The following PRKAG1 variants were observed in gnomAD, a reference collection of about 807,000 sequenced individuals.
PRKAG1 encodes 5'-AMP-activated protein kinase subunit gamma-1.
PRKAG1 carries 27 observed loss-of-function variants against 48.2 expected under a neutral mutation model. The observed-to-expected ratio is 0.56, with a 90% CI of 0.41 to 0.77. PRKAG1 has a LOEUF of 0.77. PRKAG1 is among the 30% of genes least tolerant of loss of function. The pLI, the probability that PRKAG1 is intolerant of heterozygous loss-of-function variation, is 0.00. For missense variants in PRKAG1, 287 were observed against 398.3 expected (o/e 0.72, Z 2.38); for synonymous variants, 130 against 147.7 (o/e 0.88, Z 0.87).
chr12:49,018,335 T>A, intron 1 of PRKAG1: 1 of 568,860 alleles, frequency 1.8e-6, no homozygotes, highest in Non-Finnish European at 2.4e-6. Context: ...AGGAGCTACC[T>A]GCAAGCGGAG....
At position 49,005,032 on chromosome 12, in the gene PRKAG1, G is replaced by C. The variant is rs754965487; in HGVS notation, c.356-14C>G. On this transcript the variant is annotated splice_polypyrimidine_tract_variant and intron_variant, in intron 6 of 11. Transcript: ENST00000548065. The surrounding 1 kb of genome is among the most constrained non-coding windows in gnomAD (Gnocchi z 4.1). ...GGAGATACACCTCTGAAGGGAAAAG[G>C]GATGGGTCACAAAATACCACCATGG... 1 of 1,613,816 alleles carries C rather than the reference G, an allele frequency of 6.2e-7. No individual in the cohort carries two copies. The highest frequency in any genetic ancestry group is 8.5e-7 in the Non-Finnish European group (1 of 1,179,886).
At chr12:49,014,055 C>T (rs1941869876) in intron 1 of PRKAG1, among the ~76,000 whole-genome samples, 1 of 151,922 alleles carries the variant, frequency 6.6e-6, no homozygotes, top group Non-Finnish European at 1.5e-5. Context: ...ACCTAATTTT[C>T]ATATTTATAA....
rs1433515966 is a variant in PRKAG1 at position 49,002,647 on chromosome 12, A to G, written c.*252T>C. 3 of 558,934 alleles carry G rather than the reference A, an allele frequency of 5.4e-6. No individual in the cohort carries two copies. Among genetic ancestry groups the G allele is most frequent in the Non-Finnish European group, 6.5e-6 (2 of 307,438 alleles). 34.6% of individuals were successfully genotyped at this position (558,934 alleles called of 1,614,324 possible). On this transcript the variant is annotated 3_prime_UTR_variant, in exon 12 of 12. Transcript: ENST00000548065. The stretch of plus-strand genomic sequence containing the variant: ...CTATAGTTCACCCAGAAAGGGGGAT[A>G]TATCTAAGAGGACAGGGGCTAGAAC...
intron 9 of PRKAG1, 36 bp downstream of exon 9, chr12:49,003,721 G>C (rs554283422): frequency 1.9e-6 from 3 of 1,606,480 alleles, no homozygotes; most frequent in South Asian, 1.1e-5. Flanking sequence ...GACTTGCCTG[G>C]ATCTTCCCTC....
chr12:49,003,668 C>T (rs1941395113), intron 9 of PRKAG1, 73 bp from the exon 10 acceptor site: 1 of 1,609,562 alleles, frequency 6.2e-7, no homozygotes, highest in Non-Finnish European at 8.5e-7. Context: ...AATCACCCTC[C>T]TGGCTAAGCT....
chr12:49,004,618 G>C lies in PRKAG1; in HGVS notation c.426C>G (p.Val142=). ...GGATCTTGTTCCGAATTAATGAAGA[G>C]ACAGCATCAAACAAGCTGTGAGAGG... is the stretch of plus-strand genomic sequence containing the variant. ...ISPNASLFDA[V]SSLIRNKIHR... The change falls in exon 8 of 12, where the codon GTC becomes GTG. Residue 142 remains valine (V), a synonymous_variant. Coordinates refer to ENST00000548065, the MANE Select transcript of PRKAG1 (RefSeq NM_002733.5). 6.2e-7 allele frequency: 1 copy of C among 1,614,094 alleles called. No homozygotes were observed. The highest frequency in any genetic ancestry group is 2.2e-5 in the East Asian group (1 of 44,886).
chr12:49,010,453 T>G (rs1941710095), intron 2 of PRKAG1, among the ~76,000 whole-genome samples: 1 of 152,210 alleles, frequency 6.6e-6, no homozygotes, highest in Admixed American at 6.5e-5. Context: ...GGGAAAGGGC[T>G]GGAGGCTCAG....
rs760970840 is a variant in PRKAG1 at position 49,004,947 on chromosome 12, G to T, written c.410+17C>A. ...AATCTCTTCCGCTTTTTGGACAGAT[G>T]GGTAACTGGAACTCACCTGGCATTA... On this transcript the variant is annotated intron_variant, in intron 7 of 11. Transcript: ENST00000548065. The T allele has an allele frequency of 6.2e-7, 1 of 1,612,600 alleles. No individual in the cohort carries two copies. The highest frequency in any genetic ancestry group is 1.7e-5 in the Admixed American group (1 of 59,954).
At chr12:49,016,779 G>A (rs1195910143) in intron 1 of PRKAG1, 1 of 180,770 alleles carries the variant, frequency 5.5e-6, no homozygotes, top group Admixed American at 6.0e-5. Flanking sequence ...TGTACAGAAA[G>A]CTGCTATGAA....
chr12:49,012,786 T>C (rs1043747239), intron 2 of PRKAG1: 4 of 446,452 alleles, frequency 9.0e-6, no homozygotes, highest in Non-Finnish European at 1.6e-5. Context: ...TTCTAAAACA[T>C]GGTAGCCAGC....
At chr12:49,013,030 C>T in intron 2 of PRKAG1, 32 bp downstream of exon 2, 1 of 1,584,648 alleles carries the variant, frequency 6.3e-7, no homozygotes. Flanking sequence ...CTATTGTTTT[C>T]ATGCCCAGTT....
chr12:49,015,208 G>A (rs921618041), intron 1 of PRKAG1, among the ~76,000 whole-genome samples: 1 of 151,730 alleles, frequency 6.6e-6, no homozygotes, highest in African/African-American at 2.4e-5. Flanking sequence ...GATAAAGATA[G>A]ACACATGATA....
chr12:49,003,576 G>GTAGA lies in PRKAG1; in HGVS notation c.719_722dup (p.Ser242LeufsTer5), dbSNP rs759503983. ...CACTCACGATAACATCAAACTTGGA[G>GTAGA]TAGATGTCCACCACACGCCCTAGGG... On this transcript the variant is annotated frameshift_variant, in exon 10 of 12. Transcript: ENST00000548065. LOFTEE classifies it high-confidence loss of function. The GTAGA allele has an allele frequency of 1.2e-6, 2 of 1,610,752 alleles. No individual in the cohort carries two copies. Among genetic ancestry groups the GTAGA allele is most frequent in the South Asian group, 2.2e-5 (2 of 90,990 alleles).
chr12:49,018,384 G>A (rs1366377736), intron 1 of PRKAG1: 3 of 1,100,344 alleles, frequency 2.7e-6, no homozygotes, highest in Admixed American at 4.4e-5. Context: ...AGCAAAGCCG[G>A]CTCACAACCC....
chr12:49,004,327 G>C (rs536758952), intron 8 of PRKAG1, 180 bp downstream of exon 8: 14 of 702,656 alleles, frequency 2.0e-5, no homozygotes, highest in Non-Finnish European at 3.3e-5. Flanking sequence ...AGTGGGGCTG[G>C]ATGCAGTGGC....
In PRKAG1 at chr12:49,007,417, G is replaced by A. The variant is rs1941585726; in HGVS notation, c.59-1565C>T. ...AGGTCACACCATTAATAAGTGGCAA[G>A]AAAGACTCAAACAAACCCAGATCTG... On this transcript the variant is annotated intron_variant, in intron 2 of 11. Coordinates refer to ENST00000548065, the MANE Select transcript of PRKAG1 (RefSeq NM_002733.5). Among the ~76,000 whole-genome samples the A allele has an allele frequency of 2.0e-5, 3 of 152,144 alleles. 1 individual carries two copies. The South Asian group carries it at 6.2e-4, about 32-fold the overall frequency.
intron 2 of PRKAG1, among the ~76,000 whole-genome samples, chr12:49,009,111 T>G (rs1451132451): frequency 1.3e-5 from 2 of 151,322 alleles, no homozygotes; most frequent in Non-Finnish European, 2.9e-5. Context: ...TGTTGGAATC[T>G]TTCCTCTCCT....
chr12:49,008,454 T>C (rs934662464), intron 2 of PRKAG1: 3 of 152,264 alleles, frequency 2.0e-5, no homozygotes, highest in African/African-American at 7.2e-5. Flanking sequence ...GTTTGTCTGG[T>C]GTGCACTGCT....
intron 9 of PRKAG1, 42 bp downstream of exon 9, chr12:49,003,715 T>TG: frequency 6.2e-7 from 1 of 1,605,920 alleles, no homozygotes; most frequent in Non-Finnish European, 8.5e-7. Context: ...CACCCTGACT[T>TG]GCCTGGATCT....
Sources: allele counts gnomAD v4.1 joint callset (sites outside exome capture counted in the v4.1 genomes callset), GRCh38; gene constraint gnomAD v4.1.1; non-coding constraint Gnocchi (gnomAD v3.1); transcripts MANE v1.5; gene names NCBI Gene and HGNC (gene_info 2026-07-23, HGNC 2026-07-21).